Variants in SORCS3 observed in about 807,000 individuals in gnomAD.
SORCS3 encodes the protein sortilin related VPS10 domain containing receptor 3.
Under a neutral mutation model 146.3 loss-of-function variants are expected in SORCS3, and 57 were observed. The ratio of observed to expected loss-of-function variants is 0.39; its 90% CI spans 0.31 to 0.49. The LOEUF is 0.49. Ranked by LOEUF, SORCS3 falls within the 20% of genes least tolerant of loss-of-function variation. The probability of loss-of-function intolerance (pLI) is 0.92; values close to 1 mark genes in which losing one functional copy is unlikely to be tolerated. For synonymous variants in SORCS3, 653 were observed against 618.5 expected (o/e 1.06, Z -0.83); for missense variants, 1,341 against 1,575.5 (o/e 0.85, Z 2.52).
intron 1 of SORCS3, among the ~76,000 whole-genome samples, chr10:104,693,324 C>A (rs2133423491): frequency 6.6e-6 from 1 of 152,260 alleles, no homozygotes; most frequent in South Asian, 2.1e-4. Context: ...GGTGAGCTGG[C>A]ATTTCAGCAA....
intron 2 of SORCS3, among the ~76,000 whole-genome samples, chr10:104,895,692 A>G (rs1456791655): frequency 2.0e-5 from 3 of 152,144 alleles, no homozygotes. Context: ...TTTGATGGCA[A>G]GGAAAGGGCT....
At chr10:105,157,925 TTA>T (rs1190045341) in intron 10 of SORCS3, among the ~76,000 whole-genome samples, 1 of 152,212 alleles carries the variant, frequency 6.6e-6, no homozygotes, top group Non-Finnish European at 1.5e-5. Context: ...CCAGAAATGG[TTA>T]TGTTTCTTCT....
chr10:104,742,677 C>A (rs575853455), intron 1 of SORCS3, among the ~76,000 whole-genome samples: 4 of 152,346 alleles, frequency 2.6e-5, no homozygotes, highest in African/African-American at 9.6e-5. Context: ...GTCTGGGCCC[C>A]ATCCAGCAGA....
chr10:104,843,373 G>A (rs2018166112), intron 2 of SORCS3, among the ~76,000 whole-genome samples: 1 of 152,152 alleles, frequency 6.6e-6, no homozygotes, highest in Non-Finnish European at 1.5e-5. Flanking sequence ...GCCTTCAGGG[G>A]CCCCTTGCCC....
At chr10:104,935,792 A>G (rs2019254572) in intron 3 of SORCS3, among the ~76,000 whole-genome samples, 3 of 152,178 alleles carry the variant, frequency 2.0e-5, no homozygotes, top group Admixed American at 2.0e-4. Flanking sequence ...CACATGCTGT[A>G]GCATAGAGTT....
chr10:105,222,373 C>A lies in SORCS3; in HGVS notation c.2735-743C>A, dbSNP rs181943190. Among the ~76,000 whole-genome samples, 103 of 152,198 alleles carry A rather than the reference C, an allele frequency of 6.8e-4. No individual in the cohort carries two copies. The East Asian group carries it at 0.016, about 24-fold the overall frequency. ...GCGCCCGGCCGCATTAACACTGTTT[C>A]ATCAGCTTTGTCCTCTTCTCATTTT... On this transcript the variant is annotated intron_variant, in intron 19 of 26. Coordinates refer to ENST00000369701, the MANE Select transcript of SORCS3 (RefSeq NM_014978.3).
chr10:104,977,389 G>C lies in SORCS3; in HGVS notation c.850G>C (p.Glu284Gln). The change falls in exon 4 of 27, where the codon GAA (glutamate) becomes CAA (glutamine). Residue 284 changes from glutamate to glutamine, a missense_variant. By Grantham distance (29) the Glu-to-Gln change is conservative (BLOSUM62 2). Coordinates refer to ENST00000369701, the MANE Select transcript of SORCS3 (RefSeq NM_014978.3). ...GAGCAGCATATTGATCAGCTCAGAC[G>C]AAGGGGCGACCTATCAGAAGTATCG... ...MESSILISSD[E>Q]GATYQKYRLT... 1 of 1,613,790 alleles carries C rather than the reference G, an allele frequency of 6.2e-7. No homozygotes were observed. The highest frequency in any genetic ancestry group is 8.5e-7 in the Non-Finnish European group (1 of 1,179,838).
chr10:105,262,182 C>T, intron 25 of SORCS3, 149 bp from the exon 26 acceptor site: 1 of 667,566 alleles, frequency 1.5e-6, no homozygotes, highest in Non-Finnish European at 2.5e-6. Context: ...ACCTTGTAGC[C>T]TCATTGTCTC....
intron 3 of SORCS3, among the ~76,000 whole-genome samples, chr10:104,954,812 G>A (rs960480072): frequency 1.3e-5 from 2 of 152,136 alleles, no homozygotes; most frequent in East Asian, 1.9e-4. Flanking sequence ...ATTAAGCAGA[G>A]GGATTTCATT....
At chr10:104,732,973 A>G (rs1036419797) in intron 1 of SORCS3, among the ~76,000 whole-genome samples, 3 of 152,188 alleles carry the variant, frequency 2.0e-5, no homozygotes, top group African/African-American at 4.8e-5. Context: ...CTGAGCAAAC[A>G]GTGGAGGTGG....
intron 16 of SORCS3, among the ~76,000 whole-genome samples, chr10:105,210,900 T>G (rs2056629417): frequency 6.6e-6 from 1 of 152,216 alleles, no homozygotes; most frequent in Non-Finnish European, 1.5e-5. Flanking sequence ...AACCTAGAAT[T>G]TCTATTTGCT....
At chr10:104,811,652 A>C (rs1272855735) in intron 1 of SORCS3, among the ~76,000 whole-genome samples, 1 of 152,200 alleles carries the variant, frequency 6.6e-6, no homozygotes, top group Non-Finnish European at 1.5e-5. Context: ...GTAGCTCTGG[A>C]GTAAGCCAAG....
intron 3 of SORCS3, among the ~76,000 whole-genome samples, chr10:104,968,473 A>G (rs1198205380): frequency 1.3e-5 from 2 of 152,194 alleles, no homozygotes; most frequent in Non-Finnish European, 2.9e-5. Flanking sequence ...GCCTAAAGAC[A>G]TCTGCATTGA....
chr10:104,713,273 G>T (rs545920202), intron 1 of SORCS3, among the ~76,000 whole-genome samples: 2 of 152,240 alleles, frequency 1.3e-5, no homozygotes, highest in East Asian at 3.9e-4. Context: ...TGTCATCTTT[G>T]TTGCATGTGG....
chr10:105,212,251 G>A (rs1490042147), intron 17 of SORCS3, among the ~76,000 whole-genome samples: 4 of 152,180 alleles, frequency 2.6e-5, no homozygotes, highest in African/African-American at 9.7e-5. Context: ...TTAGTTCTGG[G>A]AGGGCTATTC....
chr10:105,085,019 C>T (rs533489014), intron 5 of SORCS3, among the ~76,000 whole-genome samples: 1 of 152,264 alleles, frequency 6.6e-6, no homozygotes, highest in African/African-American at 2.4e-5. Flanking sequence ...CGTGAGCCAC[C>T]GCGCCCGGCC....
intron 2 of SORCS3, among the ~76,000 whole-genome samples, chr10:104,887,598 G>A (rs1444793733): frequency 1.3e-5 from 2 of 152,102 alleles, no homozygotes; most frequent in Non-Finnish European, 2.9e-5. Flanking sequence ...TTGTCACTCT[G>A]GGTCAGGTTG....
At chr10:104,649,742 A>T (rs1293794096) in intron 1 of SORCS3, among the ~76,000 whole-genome samples, 1 of 152,262 alleles carries the variant, frequency 6.6e-6, no homozygotes, top group Non-Finnish European at 1.5e-5. Flanking sequence ...CAGAATTTGT[A>T]GTAGAAACAG....
At chr10:105,023,438 G>A (rs759741325) in intron 4 of SORCS3, among the ~76,000 whole-genome samples, 6 of 152,164 alleles carry the variant, frequency 3.9e-5, no homozygotes, top group Middle Eastern at 3.2e-3. Context: ...GTTGGAGGGT[G>A]GAGAACTGTG....
Sources: allele counts gnomAD v4.1 joint callset (sites outside exome capture counted in the v4.1 genomes callset), GRCh38; gene constraint gnomAD v4.1.1; transcripts MANE v1.5; gene names NCBI Gene and HGNC (gene_info 2026-07-23, HGNC 2026-07-21).